ZNF248: variants seen among roughly 807,000 people sequenced by gnomAD.
ZNF248 encodes zinc finger protein 248.
ZNF248 carries 20 observed loss-of-function variants against 44.3 expected under a neutral mutation model. That is an observed-to-expected ratio of 0.45 (90% CI 0.32 to 0.66). The LOEUF (loss-of-function observed/expected upper bound fraction) is 0.66, where lower values mean the gene tolerates loss of function less well. Among genes scored for constraint, ZNF248 ranks in the 30% least tolerant of loss-of-function variants. ZNF248 has a pLI of 0.04. For missense variants in ZNF248, 654 were observed against 677.0 expected (o/e 0.97, Z 0.38); for synonymous variants, 224 against 229.0 (o/e 0.98, Z 0.20).
the ZNF248 span, among the ~76,000 whole-genome samples, chr10:37,761,536 T>C: frequency 6.6e-6 from 1 of 152,204 alleles, no homozygotes. Flanking sequence ...ATACATGAGA[T>C]AATGGTAATT....
At chr10:37,768,687 C>T in the ZNF248 span, among the ~76,000 whole-genome samples, 3 of 152,164 alleles carry the variant, frequency 2.0e-5, no homozygotes, top group Non-Finnish European at 4.4e-5. Flanking sequence ...CCAAAATTGA[C>T]ACCCTAACGT....
intron 6 of ZNF248, among the ~76,000 whole-genome samples, chr10:37,823,329 T>C (rs1358990449): frequency 1.5e-5 from 1 of 68,374 alleles, no homozygotes; most frequent in Non-Finnish European, 2.4e-5. Context: ...CGAGACTCCG[T>C]CTCCAAAAAA....
Position 37,857,502 on chromosome 10 carries a change from G to C in ZNF248, c.-443C>G, listed in dbSNP as rs1420650718. ...TGCTCAAAACAACCCCAGGCGGCAA[G>C]TATTCCTAATATCCGTAATTTACAG... On this transcript the variant is annotated 5_prime_UTR_variant, in exon 1 of 6. Coordinates refer to ENST00000395867, the MANE Select transcript of ZNF248 (RefSeq NM_021045.3). The C allele has an allele frequency of 6.6e-6, 1 of 152,284 alleles. No homozygotes were observed. Among genetic ancestry groups the C allele is most frequent in the East Asian group, 1.9e-4 (1 of 5,168 alleles). The allele number at this position is 152,284 out of a possible 1,614,324, so 9.4% of individuals were successfully genotyped here.
At chr10:37,804,315 G>T (rs1589241052) in intron 6 of ZNF248, among the ~76,000 whole-genome samples, 1 of 151,738 alleles carries the variant, frequency 6.6e-6, no homozygotes, top group Admixed American at 6.6e-5. Context: ...GGATTTTCAA[G>T]AATACTTTTT....
chr10:37,830,313 T>C lies in ZNF248; in HGVS notation c.*1302A>G, dbSNP rs1294030634. The stretch of plus-strand genomic sequence containing the variant: ...CTGTTTAACTTCTTTACTGAAGTGA[T>C]AGTTCAATAATGGCCATATTCATGC... On this transcript the variant is annotated 3_prime_UTR_variant, in exon 6 of 6. Transcript: ENST00000395867. The C allele has an allele frequency of 1.0e-6, 1 of 985,220 alleles. No homozygotes were observed. The highest frequency in any genetic ancestry group is 1.2e-6 in the Non-Finnish European group (1 of 829,920). 61.0% of individuals were successfully genotyped at this position (985,220 alleles called of 1,614,324 possible).
chr10:37,765,055 G>T, the ZNF248 span, among the ~76,000 whole-genome samples: 1 of 151,948 alleles, frequency 6.6e-6, no homozygotes, highest in African/African-American at 2.4e-5. Context: ...CTGCCTCCTG[G>T]TTTCAAGAGA....
At chr10:37,782,491 C>T (rs994705653) in intron 6 of ZNF248, among the ~76,000 whole-genome samples, 11 of 151,928 alleles carry the variant, frequency 7.2e-5, no homozygotes, top group African/African-American at 2.2e-4. Context: ...TGTTGTGGGT[C>T]GAATTGTGTC....
chr10:37,847,053 T>C (rs1156980936), intron 3 of ZNF248, among the ~76,000 whole-genome samples: 1 of 152,212 alleles, frequency 6.6e-6, no homozygotes, highest in Non-Finnish European at 1.5e-5. Context: ...TGCTGTTGTT[T>C]GAGACAGGGA....
At chr10:37,783,512 A>AT (rs1388326331) in intron 6 of ZNF248, among the ~76,000 whole-genome samples, 2 of 152,250 alleles carry the variant, frequency 1.3e-5, no homozygotes, top group Admixed American at 6.5e-5. Context: ...CAAAAAATAA[A>AT]TAAGATTTTG....
intron 6 of ZNF248, among the ~76,000 whole-genome samples, chr10:37,808,270 CCTT>C: frequency 6.7e-6 from 1 of 149,736 alleles, no homozygotes; most frequent in East Asian, 2.0e-4. Context: ...TGGTATATAA[CCTT>C]TTTTCTTTTT....
At position 37,831,164 on chromosome 10, in the gene ZNF248, C is replaced by T; in HGVS notation, c.*451G>A. ...ACTCAATTAAGGGTACGTATCTTCT[C>T]CTTATGATCATGTTGAGTTCCAATA... On this transcript the variant is annotated 3_prime_UTR_variant, in exon 6 of 6. Coordinates refer to ENST00000395867, the MANE Select transcript of ZNF248 (RefSeq NM_021045.3). 6.6e-7 allele frequency: 1 copy of T among 1,521,314 alleles called. No homozygotes were observed. The highest frequency in any genetic ancestry group is 8.8e-7 in the Non-Finnish European group (1 of 1,132,354). 94.2% of individuals were successfully genotyped at this position (1,521,314 alleles called of 1,614,324 possible). A position where few individuals can be genotyped will look rare whatever the true frequency, so the allele number is the denominator to read the frequency against.
chr10:37,799,929 C>T (rs2049595972), intron 6 of ZNF248, among the ~76,000 whole-genome samples: 2 of 151,818 alleles, frequency 1.3e-5, no homozygotes, highest in Non-Finnish European at 2.9e-5. Context: ...AGAAGTAGGC[C>T]AGGTGTGGTG....
upstream of ZNF248, chr10:37,857,801 G>C (rs1047531551): frequency 6.6e-6 from 1 of 152,478 alleles, no homozygotes; most frequent in Admixed American, 6.5e-5. Flanking sequence ...CCAGGCGCAG[G>C]GACTGGACGC....
At chr10:37,837,853 G>A (rs1263001875) in intron 4 of ZNF248, 132 bp downstream of exon 4, 4 of 1,376,218 alleles carry the variant, frequency 2.9e-6, no homozygotes, top group Admixed American at 2.1e-5. Flanking sequence ...CAAGGCAAGA[G>A]CACCTTTATG....
At chr10:37,776,628 C>A in intron 6 of ZNF248, 1 of 397,280 alleles carries the variant, frequency 2.5e-6, no homozygotes, top group South Asian at 1.3e-4. Context: ...TTCCAAATCT[C>A]AAAGAACTTC....
chr10:37,783,428 A>G (rs2047535088), intron 6 of ZNF248, among the ~76,000 whole-genome samples: 1 of 152,226 alleles, frequency 6.6e-6, no homozygotes, highest in Non-Finnish European at 1.5e-5. Context: ...AAGAAAATAT[A>G]GGGGTGAATC....
chr10:37,801,434 C>CA (rs199753739), intron 6 of ZNF248, among the ~76,000 whole-genome samples: 9,131 of 151,352 alleles, frequency 0.06, 354 homozygotes, highest in Middle Eastern at 0.097. Context: ...AAATCAATTA[C>CA]AAAAAAATCA....
At chr10:37,763,248 A>C in the ZNF248 span, among the ~76,000 whole-genome samples, 1 of 152,216 alleles carries the variant, frequency 6.6e-6, no homozygotes, top group African/African-American at 2.4e-5. Context: ...AGCAAGAAAG[A>C]GGGGATGATT....
chr10:37,836,207 CATA>C (rs1457859708), intron 5 of ZNF248, among the ~76,000 whole-genome samples: 2 of 152,142 alleles, frequency 1.3e-5, no homozygotes, highest in Non-Finnish European at 2.9e-5. Context: ...CTCTGAAGCA[CATA>C]ATGGTACCCT....
Sources: allele counts gnomAD v4.1 joint callset (sites outside exome capture counted in the v4.1 genomes callset), GRCh38; gene constraint gnomAD v4.1.1; transcripts MANE v1.5; gene names NCBI Gene and HGNC (gene_info 2026-07-23, HGNC 2026-07-21).